Variants in HACE1 observed in about 807,000 individuals in gnomAD.
HACE1 encodes the protein HECT domain and ankyrin repeat containing E3 ubiquitin protein ligase 1.
A neutral mutation model predicts 118.4 loss-of-function variants in HACE1; 73 were observed. That is an observed-to-expected ratio of 0.62 (90% CI 0.51 to 0.75). The LOEUF (loss-of-function observed/expected upper bound fraction) is 0.75. HACE1 is among the 30% of genes least tolerant of loss of function. HACE1 has a pLI of 0.00. For synonymous variants in HACE1, 368 were observed against 374.8 expected (o/e 0.98, Z 0.21); for missense variants, 749 against 1,102.2 (o/e 0.68, Z 4.54).
At position 104,731,221 on chromosome 6, in the gene HACE1, T is replaced by C. The variant is rs1775165293; in HGVS notation, c.2514-805A>G. The stretch of plus-strand genomic sequence containing the variant: ...TACAAAAAAAAAATTCTATTGCTTT[T>C]AAAATGAGGTGCTGTAGTGCTTTTT... On this transcript the variant is annotated intron_variant, in intron 22 of 23. Coordinates refer to ENST00000262903, the MANE Select transcript of HACE1 (RefSeq NM_020771.4). 2 of 152,098 alleles carry C rather than the reference T, an allele frequency of 1.3e-5. 1 individual carries two copies. The highest frequency in any genetic ancestry group is 4.1e-4 in the South Asian group (2 of 4,834). 9.4% of individuals were successfully genotyped at this position (152,098 alleles called of 1,614,324 possible). A position where few individuals can be genotyped will look rare whatever the true frequency, so the allele number is the denominator to read the frequency against.
chr6:104,788,348 T>C (rs888690762), intron 11 of HACE1, among the ~76,000 whole-genome samples: 3 of 152,140 alleles, frequency 2.0e-5, no homozygotes, highest in Non-Finnish European at 2.9e-5. Flanking sequence ...ATTCTACATA[T>C]AGTAACAATG....
intron 1 of HACE1, among the ~76,000 whole-genome samples, chr6:104,854,020 C>G (rs1255986965): frequency 6.6e-6 from 1 of 152,162 alleles, no homozygotes; most frequent in East Asian, 1.9e-4. Context: ...CTCCCTCTCT[C>G]TCAAAATATT....
chr6:104,857,423 G>T (rs1412649434), intron 1 of HACE1, among the ~76,000 whole-genome samples: 3 of 151,764 alleles, frequency 2.0e-5, no homozygotes, highest in East Asian at 3.9e-4. Flanking sequence ...CTCTCGGACT[G>T]CTGGTGGAAC....
intron 4 of HACE1, among the ~76,000 whole-genome samples, chr6:104,847,608 C>G (rs1443328945): frequency 6.6e-6 from 1 of 152,092 alleles, no homozygotes; most frequent in Non-Finnish European, 1.5e-5. Context: ...GTCTTTTTTG[C>G]TCTGTTTTAA....
chr6:104,761,083 T>C lies in HACE1; in HGVS notation c.2211+10110A>G, dbSNP rs545906223. ...CAAATGGAAAAACATTCCATGCTTA[T>C]GGATAGGAAGAAGCAATATCATAAA... is the stretch of plus-strand genomic sequence containing the variant. On this transcript the variant is annotated intron_variant, in intron 19 of 23. Coordinates refer to ENST00000262903, the MANE Select transcript of HACE1 (RefSeq NM_020771.4). Among the ~76,000 whole-genome samples, 4 of 152,310 alleles carry C rather than the reference T, an allele frequency of 2.6e-5. No individual in the cohort carries two copies. The East Asian group carries it at 5.8e-4, about 22-fold the overall frequency.
chr6:104,810,590 TGTGTGG>T (rs1428908407), intron 7 of HACE1, among the ~76,000 whole-genome samples: 1 of 152,076 alleles, frequency 6.6e-6, no homozygotes, highest in African/African-American at 2.4e-5. Flanking sequence ...TTTACATATG[TGTGTGG>T]GTGTGGGTGT....
At chr6:104,831,884 C>T (rs1242198318) in intron 6 of HACE1, among the ~76,000 whole-genome samples, 3 of 127,520 alleles carry the variant, frequency 2.4e-5, no homozygotes, top group Non-Finnish European at 5.0e-5. Context: ...CAGAGTGAGA[C>T]TCCATCAAAA....
At chr6:104,739,493 C>CA (rs1189405537) in intron 22 of HACE1, among the ~76,000 whole-genome samples, 3 of 151,116 alleles carry the variant, frequency 2.0e-5, no homozygotes, top group African/African-American at 7.3e-5. Context: ...AAATGGAAAA[C>CA]AAAAAAAGGC....
rs564969997 is a variant in HACE1, at chr6:104,825,732, G to A, written c.534+7310C>T. Among the ~76,000 whole-genome samples, 7 of 152,314 alleles carry A rather than the reference G, an allele frequency of 4.6e-5. No homozygotes were observed. The East Asian group carries it at 7.7e-4, about 17-fold the overall frequency. ...CAGAAGATTCTGTATCCAGAACCTT[G>A]AGCAGCTGCTGGGGCCAATTCCCAC... On this transcript the variant is annotated intron_variant, in intron 6 of 23. Transcript: ENST00000262903.
chr6:104,808,359 T>C (rs1489866531), intron 7 of HACE1, among the ~76,000 whole-genome samples: 3 of 152,232 alleles, frequency 2.0e-5, no homozygotes, highest in African/African-American at 4.8e-5. Context: ...CTCTGCAGCA[T>C]GCTTTATAGA....
At chr6:104,763,867 T>C (rs1157784820) in intron 19 of HACE1, among the ~76,000 whole-genome samples, 1 of 152,052 alleles carries the variant, frequency 6.6e-6, no homozygotes, top group Non-Finnish European at 1.5e-5. Flanking sequence ...CTGGCCAACA[T>C]GGTGAAACCT....
intron 20 of HACE1, among the ~76,000 whole-genome samples, chr6:104,745,586 G>A (rs1004762393): frequency 6.6e-6 from 1 of 151,660 alleles, no homozygotes; most frequent in Non-Finnish European, 1.5e-5. Context: ...GACTACAGGC[G>A]CCTGCCACCA....
intron 6 of HACE1, chr6:104,831,085 A>C (rs1773820292): frequency 6.6e-6 from 1 of 152,196 alleles, no homozygotes; most frequent in Non-Finnish European, 1.5e-5. Context: ...ATGTTAAAAA[A>C]AGAAAAAACT....
intron 11 of HACE1, chr6:104,787,323 T>C (rs957416587): frequency 6.6e-6 from 1 of 152,154 alleles, no homozygotes; most frequent in African/African-American, 2.4e-5. Context: ...CTCACAACGG[T>C]TGACAGATTT....
chr6:104,748,186 C>A (rs1409865483), intron 20 of HACE1, among the ~76,000 whole-genome samples: 2 of 151,452 alleles, frequency 1.3e-5, no homozygotes, highest in Non-Finnish European at 2.9e-5. Context: ...ATTCATAATA[C>A]ATATATCTGA....
chr6:104,782,058 A>G (rs1255642006), intron 14 of HACE1, among the ~76,000 whole-genome samples: 1 of 151,318 alleles, frequency 6.6e-6, no homozygotes, highest in Non-Finnish European at 1.5e-5. Context: ...TTTGGCAATT[A>G]AAAGTAACTG....
At chr6:104,785,932 A>G (rs1411539651) in intron 11 of HACE1, 1 of 152,494 alleles carries the variant, frequency 6.6e-6, no homozygotes, top group Non-Finnish European at 1.5e-5. Context: ...ACAAGAAATT[A>G]CAAAATGTGG....
At chr6:104,758,323 G>A (rs1185288363) in intron 19 of HACE1, among the ~76,000 whole-genome samples, 2 of 152,158 alleles carry the variant, frequency 1.3e-5, no homozygotes, top group Admixed American at 1.3e-4. Context: ...CCCACAAAGG[G>A]AAGCCCATCA....
At chr6:104,770,856 C>T (rs66555410) in intron 19 of HACE1, among the ~76,000 whole-genome samples, 18,149 of 152,162 alleles carry the variant, frequency 0.12, 1,197 homozygotes, top group Middle Eastern at 0.22. Context: ...TTTAATATTA[C>T]ACTTTAAAAA....
Sources: gnomAD v4.1 joint callset for allele counts (sites outside exome capture counted in the v4.1 genomes callset) on GRCh38, gnomAD v4.1.1 for gene constraint, MANE v1.5 for transcripts, NCBI Gene and HGNC (gene_info 2026-07-23, HGNC 2026-07-21) for gene names.